WBP2NL: variants seen among roughly 807,000 people sequenced by gnomAD.
WBP2NL encodes the protein WBP2 N-terminal like, also known as postacrosomal sheath WW domain-binding protein.
WBP2NL carries 27 observed loss-of-function variants against 23.3 expected under a neutral mutation model. That is an observed-to-expected ratio of 1.16 (90% confidence interval 0.85 to 1.60). The LOEUF (loss-of-function observed/expected upper bound fraction) is 1.60. Ranked by LOEUF, WBP2NL falls within the 40% of genes most tolerant of loss-of-function variation. WBP2NL has a pLI of 0.00. For missense variants in WBP2NL, 370 were observed against 389.5 expected, an observed-to-expected ratio of 0.95 and a Z score of 0.42; for synonymous variants, 151 against 145.9, an observed-to-expected ratio of 1.03 and a Z score of -0.25.
At chr22:42,014,848 C>T (rs1468302194) in intron 1 of WBP2NL, among the ~76,000 whole-genome samples, 1 of 152,176 alleles carries the variant, frequency 6.6e-6, no homozygotes, top group Non-Finnish European at 1.5e-5. Flanking sequence ...TTCTCTACTT[C>T]CTGAGACTTT....
At chr22:42,013,099 G>A (rs1177815706) in intron 1 of WBP2NL, among the ~76,000 whole-genome samples, 1 of 151,554 alleles carries the variant, frequency 6.6e-6, no homozygotes, top group African/African-American at 2.4e-5. Context: ...CTGGCCGGGC[G>A]TGGTGGCTTA....
chr22:42,052,335 T>G (rs1485355645), intron 8 of WBP2NL, among the ~76,000 whole-genome samples: 13 of 151,982 alleles, frequency 8.6e-5, no homozygotes, highest in Admixed American at 8.5e-4. Flanking sequence ...CAGGCTGGAG[T>G]ACAGTGGTGT....
intron 1 of WBP2NL, among the ~76,000 whole-genome samples, chr22:42,013,650 C>T (rs989939985): frequency 7.9e-5 from 12 of 152,202 alleles, no homozygotes; most frequent in African/African-American, 2.6e-4. Context: ...GTCTCTATCA[C>T]GTAGGCTGGA....
intron 1 of WBP2NL, among the ~76,000 whole-genome samples, chr22:42,016,041 G>A (rs1002869947): frequency 4.6e-5 from 7 of 151,788 alleles, no homozygotes; most frequent in Non-Finnish European, 1.0e-4. Context: ...GAGTGCAATG[G>A]GAAGATCTTG....
chr22:42,044,281 G>A (rs133355), intron 8 of WBP2NL, among the ~76,000 whole-genome samples: 94,750 of 151,466 alleles, frequency 0.63, 30,192 homozygotes, highest in East Asian at 0.85. Context: ...ATGTTGACTA[G>A]GCTGGTCTTG....
intron 8 of WBP2NL, among the ~76,000 whole-genome samples, chr22:42,050,304 G>A (rs1375835887): frequency 2.6e-5 from 4 of 151,220 alleles, no homozygotes; most frequent in African/African-American, 4.9e-5. Flanking sequence ...AAAAACAAAC[G>A]AAAAATCCAA....
At chr22:42,001,626 C>T (rs1921696052) in intron 1 of WBP2NL, 9 of 1,141,584 alleles carry the variant, frequency 7.9e-6, no homozygotes, top group Admixed American at 6.8e-5. Flanking sequence ...GCCAGATTCC[C>T]TGCAAAGTAG....
intron 8 of WBP2NL, among the ~76,000 whole-genome samples, chr22:42,055,019 A>G (rs1173438242): frequency 2.6e-5 from 4 of 152,168 alleles, no homozygotes; most frequent in Non-Finnish European, 5.9e-5. Context: ...TGAAATTGAA[A>G]GTGTGTGTCC....
At chr22:42,039,921 T>TC (rs2065798229) in intron 8 of WBP2NL, among the ~76,000 whole-genome samples, 1 of 151,100 alleles carries the variant, frequency 6.6e-6, no homozygotes, top group African/African-American at 2.5e-5. Context: ...TTTTTTTTTT[T>TC]TTTCCTCGAG....
chr22:42,020,892 A>T (rs1245053975), intron 4 of WBP2NL, among the ~76,000 whole-genome samples: 1 of 43,072 alleles, frequency 2.3e-5, no homozygotes, highest in Non-Finnish European at 4.1e-5. Flanking sequence ...ATATATATAT[A>T]TATATATATA....
chr22:42,014,075 C>G (rs1437583189), intron 1 of WBP2NL, among the ~76,000 whole-genome samples: 1 of 151,900 alleles, frequency 6.6e-6, no homozygotes. Flanking sequence ...AGCCACCGCA[C>G]CCCACCGGCA....
chr22:42,012,409 A>G (rs1922905246), intron 1 of WBP2NL, among the ~76,000 whole-genome samples: 1 of 151,970 alleles, frequency 6.6e-6, no homozygotes, highest in Non-Finnish European at 1.5e-5. Context: ...TTGTGTTTTC[A>G]TGTTCATTTT....
chr22:42,041,279 C>T (rs182509922), intron 8 of WBP2NL, among the ~76,000 whole-genome samples: 20 of 151,996 alleles, frequency 1.3e-4, no homozygotes, highest in Admixed American at 9.2e-4. Flanking sequence ...GTCAAGAGAG[C>T]GAGACCATCC....
At chr22:42,036,126 G>C (rs1925171876), downstream of WBP2NL, among the ~76,000 whole-genome samples, 1 of 152,124 alleles carries the variant, frequency 6.6e-6, no homozygotes, top group African/African-American at 2.4e-5. Context: ...TGAACAATGG[G>C]AGTACAGATA....
Sources: allele counts gnomAD v4.1 joint callset (sites outside exome capture counted in the v4.1 genomes callset), GRCh38; gene constraint gnomAD v4.1.1; transcripts MANE v1.5; gene names NCBI Gene and HGNC (gene_info 2026-07-23, HGNC 2026-07-21).